ATRN: variants seen among roughly 807,000 people sequenced by gnomAD.
ATRN encodes the protein attractin-2.
A neutral mutation model predicts 178.7 loss-of-function variants in ATRN; 54 were observed. The observed-to-expected ratio is 0.30, with a 90% CI of 0.24 to 0.38. The LOEUF is 0.38. ATRN is among the 10% of genes least tolerant of loss of function. The probability of loss-of-function intolerance (pLI) is 1.00; values close to 1 mark genes in which losing one functional copy is unlikely to be tolerated. For missense variants in ATRN, 1,443 were observed against 1,815.1 expected (o/e 0.79, Z 3.73); for synonymous variants, 636 against 663.0 (o/e 0.96, Z 0.63).
chr20:3,547,466 G>A lies in ATRN; in HGVS notation c.920G>A (p.Cys307Tyr), dbSNP rs1338601280. The change falls in exon 5 of 29, where the codon TGC becomes TAC. Residue 307 changes from cysteine (C) to tyrosine (Y), a missense_variant. By Grantham distance (194) the Cys-to-Tyr change is radical. Around this residue, in one of 4 missense-constraint regions of ATRN, gnomAD observed 862 missense variants for 972.1 expected, o/e 0.89. Transcript: ENST00000262919. ...GICNSSDVRG[C>Y]SCFSDWQGPG... is the part of the protein sequence containing the mutation. ...TGCAATTCAAGTGATGTCAGAGGAT[G>A]CTCCTGCTTCTCAGACTGGCAGGGT... The A allele has an allele frequency of 1.9e-6, 3 of 1,613,946 alleles. No homozygotes were observed. Among genetic ancestry groups the A allele is most frequent in the South Asian group, 1.1e-5 (1 of 91,056 alleles).
chr20:3,553,091 G>A (rs1275003809), intron 6 of ATRN, among the ~76,000 whole-genome samples: 3 of 152,144 alleles, frequency 2.0e-5, no homozygotes, highest in Non-Finnish European at 4.4e-5. Context: ...TGTCTGACAC[G>A]ATAGGTCATA....
intron 27 of ATRN, among the ~76,000 whole-genome samples, chr20:3,643,547 A>G (rs1403307534): frequency 1.3e-5 from 2 of 152,074 alleles, no homozygotes; most frequent in Admixed American, 1.3e-4. Context: ...GAAGAAACTA[A>G]TATAGGGGAC....
chr20:3,575,750 A>AT (rs552518193), intron 12 of ATRN, 77 bp from the exon 13 acceptor site: 2,558 of 1,341,446 alleles, frequency 1.9e-3, no homozygotes, highest in South Asian at 4.6e-3. Context: ...CATTGTTACG[A>AT]TTTTTTTTTT....
In ATRN at chr20:3,597,491, C is replaced by G. The variant is rs74694241; in HGVS notation, c.3470-415C>G. Reference sequence around the variant, plus strand: ...CAGCCCTAAAGTGATTAGAATCCAACGCTAATGCCATGGCTTTTTAGAAGA... The same window carrying G: ...CAGCCCTAAAGTGATTAGAATCCAAGGCTAATGCCATGGCTTTTTAGAAGA... On this transcript the variant is annotated intron_variant, in intron 21 of 28. Transcript: ENST00000262919. Among the ~76,000 whole-genome samples, 768 of 152,286 alleles carry G rather than the reference C, an allele frequency of 5.0e-3. 5 individuals are homozygous for G. Among genetic ancestry groups the G allele is most frequent in the African/African-American group, 0.018 (734 of 41,576 alleles).
intron 1 of ATRN, among the ~76,000 whole-genome samples, chr20:3,513,807 A>G (rs2085169297): frequency 6.6e-6 from 1 of 152,082 alleles, no homozygotes; most frequent in Non-Finnish European, 1.5e-5. Flanking sequence ...GAGGTCCTTC[A>G]CGTCCCTTGT....
At chr20:3,478,486 C>T (rs532187561) in intron 1 of ATRN, among the ~76,000 whole-genome samples, 1 of 152,164 alleles carries the variant, frequency 6.6e-6, no homozygotes, top group East Asian at 1.9e-4. Flanking sequence ...CGCATGTTCT[C>T]ACTCGTAAGT....
Position 3,583,953 on chromosome 20 carries a change from A to C in ATRN, c.2820A>C (p.Gly940=), listed in dbSNP as rs767957059. The C allele has an allele frequency of 1.9e-6, 3 of 1,614,208 alleles. No individual in the cohort carries two copies. The South Asian group carries it at 3.3e-5, about 18-fold the overall frequency. The part of the protein sequence containing the change: ...RTPCALRTAC[G]DCTSGSSECM... ...CATGTGCCTTGAGGACAGCATGTGG[A>C]GATTGCACCAGCGGCAGCTCTGAGT... The change falls in exon 17 of 29, where the codon GGA becomes GGC. Residue 940 remains glycine, a synonymous_variant. Coordinates refer to ENST00000262919, the MANE Select transcript of ATRN (RefSeq NM_139321.3).
chr20:3,615,787 G>A (rs900107887), intron 24 of ATRN: 11 of 453,582 alleles, frequency 2.4e-5, no homozygotes, highest in Non-Finnish European at 3.5e-5. Flanking sequence ...GCAAACTATC[G>A]CAAGGACAAA....
At chr20:3,620,985 T>A (rs1355752476) in intron 24 of ATRN, among the ~76,000 whole-genome samples, 2 of 151,680 alleles carry the variant, frequency 1.3e-5, no homozygotes, top group Non-Finnish European at 2.9e-5. Context: ...TTTTATTTTA[T>A]TTTTTTTTAA....
intron 12 of ATRN, among the ~76,000 whole-genome samples, chr20:3,573,402 A>G (rs1282588704): frequency 6.6e-6 from 1 of 152,248 alleles, no homozygotes; most frequent in Non-Finnish European, 1.5e-5. Flanking sequence ...TTTAATTTAA[A>G]AGACATTTGT....
chr20:3,599,487 A>C (rs1361680522), intron 22 of ATRN, among the ~76,000 whole-genome samples: 3 of 152,232 alleles, frequency 2.0e-5, no homozygotes, highest in African/African-American at 7.2e-5. Flanking sequence ...TCCTCTATAA[A>C]ACCACAAGCA....
At chr20:3,594,937 T>C (rs911219650) in intron 20 of ATRN, among the ~76,000 whole-genome samples, 3 of 152,204 alleles carry the variant, frequency 2.0e-5, no homozygotes, top group African/African-American at 7.2e-5. Flanking sequence ...GCTGGTGTTT[T>C]GGTGATGGCA....
intron 1 of ATRN, among the ~76,000 whole-genome samples, chr20:3,488,947 T>A (rs962861281): frequency 2.1e-5 from 3 of 145,542 alleles, no homozygotes; most frequent in African/African-American, 8.4e-5. Flanking sequence ...AGATATTTGA[T>A]GTTTGTTTGT....
intron 8 of ATRN, among the ~76,000 whole-genome samples, chr20:3,561,936 A>C (rs2085958098): frequency 6.6e-6 from 1 of 151,930 alleles, no homozygotes; most frequent in Non-Finnish European, 1.5e-5. Flanking sequence ...TATGTTGCCC[A>C]GGCTGGCCAA....
chr20:3,472,515 G>A (rs1400126544), intron 1 of ATRN, among the ~76,000 whole-genome samples: 3 of 152,154 alleles, frequency 2.0e-5, no homozygotes, highest in African/African-American at 7.2e-5. Context: ...GGAGCAACAG[G>A]CACTTAACAA....
At chr20:3,542,631 C>T (rs1321233143) in intron 3 of ATRN, among the ~76,000 whole-genome samples, 1 of 75,118 alleles carries the variant, frequency 1.3e-5, no homozygotes, top group Admixed American at 1.2e-4. Context: ...TTTTCCTTCC[C>T]TTCCCCTTCC....
intron 10 of ATRN, among the ~76,000 whole-genome samples, chr20:3,564,833 A>T (rs1219891961): frequency 6.6e-6 from 1 of 152,162 alleles, no homozygotes; most frequent in African/African-American, 2.4e-5. Flanking sequence ...TGGGAGGCCC[A>T]GGTGGGCAGA....
Position 3,584,960 on chromosome 20 carries a change from A to G in ATRN, c.3184+80A>G, listed in dbSNP as rs1389600745. On this transcript the variant is annotated intron_variant, in intron 18 of 28. Coordinates refer to ENST00000262919, the MANE Select transcript of ATRN (RefSeq NM_139321.3). ...TAAAACCTTGAAAGCTACGTTGTGT[A>G]TATGTAACTCCCTGCCCTCAGCCCC... 12 of 1,323,520 alleles carry G rather than the reference A, an allele frequency of 9.1e-6. No individual in the cohort carries two copies. In the East Asian group the frequency reaches 1.4e-4, roughly 15 times the overall value. The allele number at this position is 1,323,520 out of a possible 1,614,324, so 82.0% of individuals were successfully genotyped here.
chr20:3,478,701 T>G (rs933771515), intron 1 of ATRN, among the ~76,000 whole-genome samples: 4 of 152,150 alleles, frequency 2.6e-5, no homozygotes, highest in African/African-American at 9.7e-5. Context: ...CAAAAACATG[T>G]GTCTCTTATT....
Sources: gnomAD v4.1 joint callset for allele counts (sites outside exome capture counted in the v4.1 genomes callset) on GRCh38, gnomAD v4.1.1 for gene constraint, gnomAD v4.1.1 regional missense constraint, MANE v1.5 for transcripts, NCBI Gene and HGNC (gene_info 2026-07-23, HGNC 2026-07-21) for gene names.